UBE2L3: variants seen among roughly 807,000 people sequenced by gnomAD.
UBE2L3 encodes ubiquitin-conjugating enzyme E2 L3.
A neutral mutation model predicts 17.8 loss-of-function variants in UBE2L3; 1 was observed. That is an observed-to-expected ratio of 0.06 (90% CI 0.02 to 0.27). The LOEUF is 0.27. Ranked by LOEUF, UBE2L3 falls within the 10% of genes least tolerant of loss-of-function variation. The probability of loss-of-function intolerance (pLI) is 1.00; values close to 1 mark genes in which losing one functional copy is unlikely to be tolerated. For synonymous variants in UBE2L3, 44 were observed against 68.5 expected (o/e 0.64, Z 1.76); for missense variants, 40 against 192.6 (o/e 0.21, Z 4.69).
At chr22:21,559,914 G>C (rs1264634541) in intron 1 of UBE2L3, among the ~76,000 whole-genome samples, 2 of 152,280 alleles carry the variant, frequency 1.3e-5, no homozygotes, top group Non-Finnish European at 1.5e-5. Context: ...CCTGGAGAGG[G>C]ACCGTGCTGC....
At chr22:21,596,430 G>A (rs2074480271) in intron 2 of UBE2L3, among the ~76,000 whole-genome samples, 1 of 152,080 alleles carries the variant, frequency 6.6e-6, no homozygotes, top group Admixed American at 6.6e-5. Context: ...GAGTGCAATG[G>A]TGTGATTTTG....
intron 3 of UBE2L3, among the ~76,000 whole-genome samples, chr22:21,616,608 C>T (rs1312744989): frequency 6.6e-6 from 1 of 150,532 alleles, no homozygotes; most frequent in Non-Finnish European, 1.5e-5. Context: ...GCTGAGATCA[C>T]GCTACTGCAC....
intron 2 of UBE2L3, among the ~76,000 whole-genome samples, chr22:21,599,320 C>T (rs752941782): frequency 2.2e-4 from 34 of 152,218 alleles, no homozygotes; most frequent in Non-Finnish European, 3.8e-4. Context: ...CCCCTACTTC[C>T]GTCTCCTGTA....
rs1227584045 is a variant in UBE2L3, at chr22:21,568,209, C to T, written c.27+438C>T. On this transcript the variant is annotated intron_variant, in intron 1 of 3. Transcript: ENST00000342192. ...CCGCCCTGGGCCGCAGCGCGCCGGGCTTGCAGCTCCGCTTGGCCCGGCCGC... is the reference window on the plus strand; with the variant it reads ...CCGCCCTGGGCCGCAGCGCGCCGGGTTTGCAGCTCCGCTTGGCCCGGCCGC... 3 of 991,304 alleles carry T rather than the reference C, an allele frequency of 3.0e-6. No individual in the cohort carries two copies. The African/African-American group carries it at 5.2e-5, about 17-fold the overall frequency. 61.4% of individuals were successfully genotyped at this position (991,304 alleles called of 1,614,324 possible). A position where few individuals can be genotyped will look rare whatever the true frequency, so the allele number is the denominator to read the frequency against.
intron 1 of UBE2L3, among the ~76,000 whole-genome samples, chr22:21,588,223 T>A (rs1231659573): frequency 6.6e-6 from 1 of 152,156 alleles, no homozygotes; most frequent in African/African-American, 2.4e-5. Context: ...GCTCTTGCGG[T>A]TTTTATCAGG....
chr22:21,610,672 T>G (rs1024668191), intron 2 of UBE2L3, among the ~76,000 whole-genome samples, 185 bp from the exon 3 acceptor site: 1 of 152,242 alleles, frequency 6.6e-6, no homozygotes, highest in African/African-American at 2.4e-5. Flanking sequence ...CTTCTCAGTT[T>G]AGCAGATAGC....
At chr22:21,608,734 A>G (rs919565733) in intron 2 of UBE2L3, among the ~76,000 whole-genome samples, 13 of 139,502 alleles carry the variant, frequency 9.3e-5, no homozygotes, top group African/African-American at 3.3e-4. Context: ...CCAGGCTAAT[A>G]TATTTAATTT....
intron 1 of UBE2L3, among the ~76,000 whole-genome samples, chr22:21,556,614 CTT>C (rs747912504): frequency 6.9e-6 from 1 of 144,448 alleles, no homozygotes; most frequent in Admixed American, 6.8e-5. Flanking sequence ...TTTCTTTTTT[CTT>C]TTTTTTTTTT....
chr22:21,601,759 C>G (rs564668728), intron 2 of UBE2L3, among the ~76,000 whole-genome samples: 58 of 151,728 alleles, frequency 3.8e-4, no homozygotes, highest in Middle Eastern at 6.8e-3. Flanking sequence ...GTCACGAGGT[C>G]AGGAGATCGA....
chr22:21,575,480 T>C (rs1320821166), intron 1 of UBE2L3, among the ~76,000 whole-genome samples: 1 of 146,356 alleles, frequency 6.8e-6, no homozygotes, highest in South Asian at 2.2e-4. Flanking sequence ...TCCCAGCTAC[T>C]CTGGAGGCTG....
At chr22:21,612,252 T>A (rs1929517692) in intron 3 of UBE2L3, among the ~76,000 whole-genome samples, 1 of 152,200 alleles carries the variant, frequency 6.6e-6, no homozygotes, top group Non-Finnish European at 1.5e-5. Context: ...CTAGTGGGCT[T>A]GGTCCTTGTT....
In UBE2L3 at chr22:21,573,853, T is replaced by C. The variant is rs1382965134; in HGVS notation, c.27+6082T>C. Among the ~76,000 whole-genome samples the C allele has an allele frequency of 4.6e-5, 7 of 152,158 alleles. 1 individual carries two copies. Among genetic ancestry groups the C allele is most frequent in the Admixed American group, 4.6e-4 (7 of 15,274 alleles). ...CAGAAGTGTTGAGGCATTGGCTTGATTTTACCCCAGATTGGCATGTCCAGT... is the reference window on the plus strand; with the variant it reads ...CAGAAGTGTTGAGGCATTGGCTTGACTTTACCCCAGATTGGCATGTCCAGT... On this transcript the variant is annotated intron_variant, in intron 1 of 3. Transcript: ENST00000342192.
intron 3 of UBE2L3, among the ~76,000 whole-genome samples, chr22:21,620,760 C>T (rs1309830926): frequency 6.6e-6 from 1 of 152,150 alleles, no homozygotes. Flanking sequence ...GGTTCAGAAA[C>T]TCCTAAGGGT....
chr22:21,585,634 C>T (rs1927893636), intron 1 of UBE2L3, among the ~76,000 whole-genome samples: 1 of 152,192 alleles, frequency 6.6e-6, no homozygotes, highest in African/African-American at 2.4e-5. Context: ...GCTTGGGGAG[C>T]TCCTTAGAGG....
At chr22:21,593,232 C>T (rs916800627) in intron 2 of UBE2L3, among the ~76,000 whole-genome samples, 1 of 152,162 alleles carries the variant, frequency 6.6e-6, no homozygotes, top group Non-Finnish European at 1.5e-5. Flanking sequence ...CCTGCTCTTT[C>T]CTGACTTCCC....
upstream of UBE2L3, among the ~76,000 whole-genome samples, chr22:21,567,308 C>A (rs1479465365): frequency 6.6e-6 from 1 of 152,088 alleles, no homozygotes; most frequent in Non-Finnish European, 1.5e-5. Context: ...AGATTACAGG[C>A]GCCCGCCACC....
In UBE2L3 at chr22:21,622,750, C is replaced by T; in HGVS notation, c.*1081C>T. 6.5e-6 allele frequency: 1 copy of T among 153,072 alleles called. No homozygotes were observed. The highest frequency in any genetic ancestry group is 1.9e-4 in the East Asian group (1 of 5,332). 9.5% of individuals were successfully genotyped at this position (153,072 alleles called of 1,614,324 possible). A position where few individuals can be genotyped will look rare whatever the true frequency, so the allele number is the denominator to read the frequency against. ...CAGTCTGGGGTCGCCTGGGCCCCTG[C>T]TGACCCCCTCCTCCAGAGCAGCCAG... On this transcript the variant is annotated 3_prime_UTR_variant, in exon 4 of 4. Coordinates refer to ENST00000342192, the MANE Select transcript of UBE2L3 (RefSeq NM_003347.4).
chr22:21,617,614 T>A (rs891010183), intron 3 of UBE2L3, among the ~76,000 whole-genome samples: 1 of 152,112 alleles, frequency 6.6e-6, no homozygotes, highest in Non-Finnish European at 1.5e-5. Flanking sequence ...AAAAAGTACT[T>A]CTGAGGAGCA....
At position 21,608,199 on chromosome 22, in the gene UBE2L3, G is replaced by T. The variant is rs5998657; in HGVS notation, c.124-2658G>T. On this transcript the variant is annotated intron_variant, in intron 2 of 3. Transcript: ENST00000342192. ...CTCTTTCCTGGTGGGAATGCAAAAT[G>T]GTGCAGCCACCTTGGAAGACAAGTT... Among the ~76,000 whole-genome samples the T allele has an allele frequency of 6.0e-3, 919 of 152,236 alleles. 6 individuals carry two copies. The highest frequency in any genetic ancestry group is 0.021 in the African/African-American group (862 of 41,546).
Sources: gnomAD v4.1 joint callset for allele counts (sites outside exome capture counted in the v4.1 genomes callset) on GRCh38, gnomAD v4.1.1 for gene constraint, MANE v1.5 for transcripts, NCBI Gene and HGNC (gene_info 2026-07-23, HGNC 2026-07-21) for gene names.